Variants in ABCB11 observed in about 807,000 individuals in gnomAD.
ABCB11 encodes ATP binding cassette subfamily B member 11.
Under a neutral mutation model 148.0 loss-of-function variants are expected in ABCB11, and 95 were observed. The ratio of observed to expected loss-of-function variants is 0.64; its 90% confidence interval spans 0.54 to 0.76. The LOEUF is 0.76. Among genes scored for constraint, ABCB11 ranks in the 30% least tolerant of loss-of-function variants. ABCB11 has a pLI of 0.00. For synonymous variants in ABCB11, 591 were observed against 555.4 expected (o/e 1.06, Z -0.90); for missense variants, 1,523 against 1,617.8 (o/e 0.94, Z 1.01).
chr2:168,919,643 C>T (rs1218359946), downstream of ABCB11, among the ~76,000 whole-genome samples: 1 of 151,810 alleles, frequency 6.6e-6, no homozygotes, highest in South Asian at 2.1e-4. Flanking sequence ...AAAAAAAGCC[C>T]CCTTTTGTGG....
Position 169,018,051 on chromosome 2 carries a change from T to C in ABCB11, c.75A>G (p.Ser25=). ...EENDGFESDK[S]YNNDKKSRLQ... is the part of the protein sequence containing the mutation. ...CAGTGAGGGAAAAAAGCCACTCACA[T>C]GATTTATCTGACTCAAAACCATCAT... Residue 25 remains serine (S), a splice_region_variant and synonymous_variant, in exon 2 of 28, where the codon TCA becomes TCG. Coordinates refer to ENST00000650372, the MANE Select transcript of ABCB11 (RefSeq NM_003742.4). 1 of 1,612,502 alleles carries C rather than the reference T, an allele frequency of 6.2e-7. No homozygotes were observed.
intron 14 of ABCB11, 60 bp from the exon 15 acceptor site, chr2:168,970,275 T>C: frequency 6.4e-7 from 1 of 1,567,844 alleles, no homozygotes. Context: ...CTGACAGTGA[T>C]CCACTATAAT....
chr2:168,967,780 G>A (rs968672434), intron 17 of ABCB11, among the ~76,000 whole-genome samples: 18 of 151,882 alleles, frequency 1.2e-4, no homozygotes, highest in African/African-American at 4.3e-4. Flanking sequence ...CATCAGAGGA[G>A]CAGTTTTATT....
chr2:168,999,608 T>C (rs1483909639), intron 5 of ABCB11, among the ~76,000 whole-genome samples: 1 of 152,080 alleles, frequency 6.6e-6, no homozygotes, highest in African/African-American at 2.4e-5. Context: ...GGGTTGGCTT[T>C]TTTCCACTTA....
intron 1 of ABCB11, among the ~76,000 whole-genome samples, chr2:169,026,895 C>A (rs1244021787): frequency 6.6e-6 from 1 of 152,104 alleles, no homozygotes; most frequent in Non-Finnish European, 1.5e-5. Context: ...TGTTTTGCCA[C>A]ATTATTTTTC....
At chr2:168,915,994 A>G (rs138297532), downstream of ABCB11, among the ~76,000 whole-genome samples, 54 of 152,368 alleles carry the variant, frequency 3.5e-4, 5 homozygotes, top group East Asian at 0.01. Flanking sequence ...GCAGCCTGCC[A>G]AACTATTTTG....
rs1693856666 is a variant in ABCB11 at position 168,975,639 on chromosome 2, A to G, written c.1308+938T>C. On this transcript the variant is annotated intron_variant, in intron 12 of 27. Coordinates refer to ENST00000650372, the MANE Select transcript of ABCB11 (RefSeq NM_003742.4). ...TTTATAGATAAATATATATTTACAT[A>G]TATATGTATTATATATTACAAATAT... Among the ~76,000 whole-genome samples the G allele has an allele frequency of 2.2e-5, 2 of 89,040 alleles. 1 individual carries two copies. Among genetic ancestry groups the G allele is most frequent in the Non-Finnish European group, 4.8e-5 (2 of 41,914 alleles). The allele number at this position is 89,040 out of a possible 152,430, so 58.4% of individuals were successfully genotyped here. A position where few individuals can be genotyped will look rare whatever the true frequency, so the allele number is the denominator to read the frequency against.
intron 14 of ABCB11, chr2:168,970,444 G>C: frequency 8.4e-7 from 1 of 1,192,966 alleles, no homozygotes; most frequent in South Asian, 1.4e-5. Context: ...TTACTGGGCT[G>C]TGTAAATATT....
At chr2:169,000,931 C>T (rs62171038) in intron 5 of ABCB11, among the ~76,000 whole-genome samples, 11,396 of 152,040 alleles carry the variant, frequency 0.075, 514 homozygotes, top group East Asian at 0.21. Context: ...GCTGCTTGAA[C>T]ATTTTTTTAG....
At chr2:168,967,838 T>C (rs541168872) in intron 17 of ABCB11, among the ~76,000 whole-genome samples, 22 of 152,034 alleles carry the variant, frequency 1.4e-4, no homozygotes, top group Admixed American at 1.4e-3. Context: ...GTCTCACTAA[T>C]AGCATACTCC....
chr2:169,004,466 C>T lies in ABCB11; in HGVS notation c.390-7744G>A, dbSNP rs185396090. On this transcript the variant is annotated intron_variant, in intron 5 of 27. Coordinates refer to ENST00000650372, the MANE Select transcript of ABCB11 (RefSeq NM_003742.4). The stretch of plus-strand genomic sequence containing the variant: ...TGTTTATTTGATTCTATTGCTGAGA[C>T]GTTCCAGTACATTATGCATTTCTCT... Among the ~76,000 whole-genome samples the T allele has an allele frequency of 6.0e-4, 91 of 152,260 alleles. No individual in the cohort carries two copies. In the East Asian group the frequency reaches 0.01, roughly 17 times the overall value.
chr2:169,020,523 C>A (rs1695505656), intron 1 of ABCB11, among the ~76,000 whole-genome samples: 1 of 151,950 alleles, frequency 6.6e-6, no homozygotes, highest in South Asian at 2.1e-4. Flanking sequence ...TGAAAATAGT[C>A]CAAACGGTTC....
At chr2:168,939,254 G>A (rs116243009) in intron 21 of ABCB11, among the ~76,000 whole-genome samples, 4,061 of 152,032 alleles carry the variant, frequency 0.027, 189 homozygotes, top group African/African-American at 0.092. Context: ...TTTCTGGTTG[G>A]CAAGGACTGT....
At position 169,026,359 on chromosome 2, in the gene ABCB11, C is replaced by A. The variant is rs978481543; in HGVS notation, c.-28+4866G>T. Among the ~76,000 whole-genome samples the A allele has an allele frequency of 2.0e-5, 3 of 152,158 alleles. No homozygotes were observed. In the East Asian group the frequency reaches 5.8e-4, roughly 29 times the overall value. On this transcript the variant is annotated intron_variant, in intron 1 of 27. Coordinates refer to ENST00000650372, the MANE Select transcript of ABCB11 (RefSeq NM_003742.4). The stretch of plus-strand genomic sequence containing the variant: ...TTCAAAAGATGTATACTCTCTAGGG[C>A]TAAAGGCATGCACTGGTTGTTCAGT...
intron 25 of ABCB11, among the ~76,000 whole-genome samples, chr2:168,929,731 AG>A (rs1691478788): frequency 6.6e-6 from 1 of 152,202 alleles, no homozygotes; most frequent in Non-Finnish European, 1.5e-5. Context: ...AGGTGGTGGA[AG>A]AGCAACGGAA....
chr2:168,977,344 C>CG (rs1296693365), intron 11 of ABCB11, among the ~76,000 whole-genome samples: 2 of 152,036 alleles, frequency 1.3e-5, no homozygotes, highest in Non-Finnish European at 2.9e-5. Context: ...GTCAACCAAT[C>CG]GGGGGTCCGA....
At chr2:168,976,006 G>A (rs1693887086) in intron 12 of ABCB11, among the ~76,000 whole-genome samples, 1 of 151,954 alleles carries the variant, frequency 6.6e-6, no homozygotes, top group South Asian at 2.1e-4. Context: ...TAAATTGCCT[G>A]TAAAGATAAT....
In ABCB11 at chr2:168,928,678, G is replaced by A. The variant is rs139938423; in HGVS notation, c.3412-1316C>T. 5.2e-3 allele frequency among the ~76,000 whole-genome samples: 791 copies of A among 152,284 alleles called. 6 individuals carry two copies. The highest frequency in any genetic ancestry group is 0.015 in the Admixed American group (234 of 15,302). On this transcript the variant is annotated intron_variant, in intron 25 of 27. Transcript: ENST00000650372. ...ATGTTAATGTTGGAAAAGTAAATATGAGGGATTCAGTTTCCTGTACCTTGC... is the reference window on the plus strand; with the variant it reads ...ATGTTAATGTTGGAAAAGTAAATATAAGGGATTCAGTTTCCTGTACCTTGC...
At chr2:169,019,029 G>A (rs3755163) in intron 1 of ABCB11, among the ~76,000 whole-genome samples, 1 of 151,916 alleles carries the variant, frequency 6.6e-6, no homozygotes, top group Non-Finnish European at 1.5e-5. Flanking sequence ...CAAACAGGGG[G>A]CTAGAGACCA....
Sources: gnomAD v4.1 joint callset for allele counts (sites outside exome capture counted in the v4.1 genomes callset) on GRCh38, gnomAD v4.1.1 for gene constraint, MANE v1.5 for transcripts, NCBI Gene and HGNC (gene_info 2026-07-23, HGNC 2026-07-21) for gene names.